The following PRKCSH variants were observed in gnomAD, a reference collection of about 807,000 sequenced individuals.
PRKCSH encodes PRKCSH beta subunit of glucosidase II.
Under a neutral mutation model 79.7 loss-of-function variants are expected in PRKCSH, and 42 were observed. The observed-to-expected ratio is 0.53, with a 90% confidence interval of 0.41 to 0.68. The LOEUF (loss-of-function observed/expected upper bound fraction) is 0.68. Ranked by LOEUF, PRKCSH falls within the 30% of genes least tolerant of loss-of-function variation. The pLI is 0.00. For synonymous variants in PRKCSH, 325 were observed against 288.2 expected, an observed-to-expected ratio of 1.13 and a Z score of -1.29; for missense variants, 686 against 709.0, an observed-to-expected ratio of 0.97 and a Z score of 0.37.
chr19:11,448,910 A>G lies in PRKCSH; in HGVS notation c.1287-4A>G. 2 of 1,614,118 alleles carry G rather than the reference A, an allele frequency of 1.2e-6. No individual in the cohort carries two copies. Among genetic ancestry groups the G allele is most frequent in the Non-Finnish European group, 1.7e-6 (2 of 1,180,008 alleles). ...CCCAACCCATATGTCCCGGTCCTCCACAGATACGTCTACCGCCTCTGCCCC... is the reference window on the plus strand; with the variant it reads ...CCCAACCCATATGTCCCGGTCCTCCGCAGATACGTCTACCGCCTCTGCCCC... On this transcript the variant is annotated splice_region_variant and splice_polypyrimidine_tract_variant and intron_variant, in intron 14 of 17. Transcript: ENST00000677123. This position sits in a 1 kb window ranked among gnomAD's most constrained non-coding sequence, Gnocchi z 4.4.
chr19:11,442,646 CT>C (rs1970115861), intron 7 of PRKCSH, 131 bp downstream of exon 7: 1 of 1,387,858 alleles, frequency 7.2e-7, no homozygotes, highest in Non-Finnish European at 9.9e-7. Context: ...GCCTTGTGTG[CT>C]TTGAGGTTCG....
chr19:11,438,202 C>G, intron 5 of PRKCSH, 78 bp downstream of exon 5: 1 of 1,468,612 alleles, frequency 6.8e-7, no homozygotes, highest in Non-Finnish European at 9.5e-7. Context: ...CGGGCCCACT[C>G]TCTCTTCTGC....
At chr19:11,435,984 T>G in intron 1 of PRKCSH, 57 bp from the exon 2 acceptor site, 1 of 1,255,302 alleles carries the variant, frequency 8.0e-7, no homozygotes, top group Non-Finnish European at 1.1e-6. Context: ...GATGGAGGAA[T>G]CCAATTGGCT....
chr19:11,448,926 C>G lies in PRKCSH; in HGVS notation c.1299C>G (p.Arg433=). Residue 433 remains arginine, a synonymous_variant, in exon 15 of 18, where the codon CGC becomes CGG. Transcript: ENST00000677123. The surrounding 1 kb of genome is among the most constrained non-coding windows in gnomAD (Gnocchi z 4.4). ...CGGTCCTCCACAGATACGTCTACCGCCTCTGCCCCTTCAAGCTTGTCTCGC... is the reference window on the plus strand; with the variant it reads ...CGGTCCTCCACAGATACGTCTACCGGCTCTGCCCCTTCAAGCTTGTCTCGC... ...YELTTNEYVY[R]LCPFKLVSQK... is the part of the protein sequence containing the mutation. The G allele has an allele frequency of 6.2e-7, 1 of 1,614,154 alleles. No homozygotes were observed. Among genetic ancestry groups the G allele is most frequent in the Admixed American group, 1.7e-5 (1 of 60,018 alleles).
chr19:11,437,337 CTTGTT>C lies in PRKCSH; in HGVS notation c.197-526_197-522del, dbSNP rs573545287. On this transcript the variant is annotated intron_variant, in intron 3 of 17. Transcript: ENST00000677123. Reference sequence around the variant, plus strand: ...ACAGGCGTGAGCCACCGTACCTGGCCTTGTTTTGTTTTGTTTTTAATTTTTTTTTT... The same window carrying C: ...ACAGGCGTGAGCCACCGTACCTGGCCTTGTTTTGTTTTTAATTTTTTTTTT... Among the ~76,000 whole-genome samples the C allele has an allele frequency of 3.1e-3, 446 of 143,318 alleles. 2 individuals carry two copies. Among genetic ancestry groups the C allele is most frequent in the African/African-American group, 6.8e-3 (263 of 38,470 alleles). 94.0% of individuals were successfully genotyped at this position (143,318 alleles called of 152,430 possible). A position where few individuals can be genotyped will look rare whatever the true frequency, so the allele number is the denominator to read the frequency against.
At chr19:11,442,605 T>C in intron 7 of PRKCSH, 90 bp downstream of exon 7, 5 of 1,544,246 alleles carry the variant, frequency 3.2e-6, no homozygotes, top group Middle Eastern at 2.3e-4. Context: ...CTGTTGTCAG[T>C]TTCAGCAGGT....
rs1178906378 is a variant in PRKCSH at position 11,435,980 on chromosome 19, G to A, written c.-77-61G>A. 4.9e-6 allele frequency: 6 copies of A among 1,230,084 alleles called. No homozygotes were observed. In the African/African-American group the frequency reaches 8.9e-5, roughly 18 times the overall value. The allele number at this position is 1,230,084 out of a possible 1,614,324, so 76.2% of individuals were successfully genotyped here. Reference sequence around the variant, plus strand: ...GGCCTCATTGCCTGGAAGCGATGGAGGAATCCAATTGGCTGGAAGTAGCCC... The same window carrying A: ...GGCCTCATTGCCTGGAAGCGATGGAAGAATCCAATTGGCTGGAAGTAGCCC... On this transcript the variant is annotated intron_variant, in intron 1 of 17. Transcript: ENST00000677123.
chr19:11,448,784 C>T lies in PRKCSH; in HGVS notation c.1287-130C>T. ...TTGAGGGGGAGCAGAAGCCAGGGGC[C>T]AGGTTTAGGGTTGGTCATTGGAGTT... On this transcript the variant is annotated intron_variant, in intron 14 of 17. Transcript: ENST00000677123. This position sits in a 1 kb window ranked among gnomAD's most constrained non-coding sequence, Gnocchi z 4.4. 2.2e-6 allele frequency: 3 copies of T among 1,359,724 alleles called. No individual in the cohort carries two copies. Among genetic ancestry groups the T allele is most frequent in the South Asian group, 2.3e-5 (2 of 85,756 alleles). The allele number at this position is 1,359,724 out of a possible 1,614,324, so 84.2% of individuals were successfully genotyped here.
chr19:11,448,601 A>T lies in PRKCSH; in HGVS notation c.1258A>T (p.Ser420Cys). The T allele has an allele frequency of 6.2e-7, 1 of 1,614,214 alleles. No individual in the cohort carries two copies. Among genetic ancestry groups the T allele is most frequent in the African/African-American group, 1.3e-5 (1 of 75,072 alleles). ...CAACGGGGAGTTTGCTTACCTGTAC[A>T]GCCAGTGCTACGAGCTCACCACCAA... ...GPNGEFAYLY[S>C]QCYELTTNEY... The change falls in exon 14 of 18, where the codon AGC becomes TGC. Residue 420 changes from serine to cysteine, a missense_variant. By Grantham distance (112) the Ser-to-Cys change is moderately radical. Transcript: ENST00000677123. The surrounding 1 kb of genome is among the most constrained non-coding windows in gnomAD (Gnocchi z 4.4).
chr19:11,436,005 C>T (rs1036371694), intron 1 of PRKCSH, 36 bp from the exon 2 acceptor site: 1 of 1,421,362 alleles, frequency 7.0e-7, no homozygotes, highest in Non-Finnish European at 9.8e-7. Context: ...GGAAGTAGCC[C>T]TCTCCCACTG....
intron 5 of PRKCSH, 110 bp from the exon 6 acceptor site, chr19:11,441,130 C>A: frequency 9.4e-7 from 1 of 1,065,956 alleles, no homozygotes; most frequent in Non-Finnish European, 1.5e-6. Context: ...CTCATCTTTC[C>A]CAGCATGGCT....
At position 11,447,068 on chromosome 19, in the gene PRKCSH, A is replaced by C. The variant is rs1259636081; in HGVS notation, c.763-6A>C. On this transcript the variant is annotated splice_polypyrimidine_tract_variant and splice_region_variant and intron_variant, in intron 9 of 17. Transcript: ENST00000677123. The surrounding 1 kb of genome is among the most constrained non-coding windows in gnomAD (Gnocchi z 5.6). ...TAGATCTTGACACCACCCCCAACAC[A>C]CACAGGCCCTCCTCAGTGGGGACAC... 3.1e-6 allele frequency: 5 copies of C among 1,613,632 alleles called. No individual in the cohort carries two copies. Among genetic ancestry groups the C allele is most frequent in the Non-Finnish European group, 3.4e-6 (4 of 1,179,720 alleles).
At chr19:11,445,932 TGG>T (rs1599501156) in intron 8 of PRKCSH, 2 of 165,780 alleles carry the variant, frequency 1.2e-5, no homozygotes, top group Non-Finnish European at 2.1e-5. Context: ...TGGGCAAGGG[TGG>T]GGGTGGGCTT....
Position 11,446,311 on chromosome 19 carries a change from C to T in PRKCSH, c.723C>T (p.Asp241=), listed in dbSNP as rs976672962. The change falls in exon 9 of 18, where the codon GAC becomes GAT. Residue 241 remains aspartate, a synonymous_variant. Transcript: ENST00000677123. ...AGCTGCAGACTCACCCGGAGCTGGACACAGATGGGGATGGGGCGTTGTCAG... is the reference window on the plus strand; with the variant it reads ...AGCTGCAGACTCACCCGGAGCTGGATACAGATGGGGATGGGGCGTTGTCAG... ...VTELQTHPEL[D]TDGDGALSEA... 7 of 1,613,736 alleles carry T rather than the reference C, an allele frequency of 4.3e-6. No individual in the cohort carries two copies. Among genetic ancestry groups the T allele is most frequent in the Non-Finnish European group, 5.9e-6 (7 of 1,179,824 alleles).
At position 11,438,082 on chromosome 19, in the gene PRKCSH, C is replaced by T; in HGVS notation, c.308C>T (p.Thr103Ile). The T allele has an allele frequency of 6.2e-7, 1 of 1,614,182 alleles. No individual in the cohort carries two copies. The highest frequency in any genetic ancestry group is 8.5e-7 in the Non-Finnish European group (1 of 1,180,030). Residue 103 changes from threonine to isoleucine, a missense_variant, in exon 5 of 18, where the codon ACA (threonine) becomes ATA (isoleucine). By Grantham distance (89) the Thr-to-Ile change is moderately conservative. Around this residue, in one of 2 missense-constraint regions of PRKCSH, gnomAD observed 549 missense variants for 520.2 expected, o/e 1.06. Transcript: ENST00000677123. ...NDGVCDCCDG[T>I]DEYNSGVICE... is the part of the protein sequence containing the mutation. Reference sequence around the variant, plus strand: ...TCTGCCACAGACTGCTGCGATGGAACAGACGAGTACAACAGCGGCGTCATC... The same window carrying T: ...TCTGCCACAGACTGCTGCGATGGAATAGACGAGTACAACAGCGGCGTCATC...
rs1375561958 is a variant in PRKCSH at position 11,446,937 on chromosome 19, C to A, written c.763-137C>A. On this transcript the variant is annotated intron_variant, in intron 9 of 17. Coordinates refer to ENST00000677123, the MANE Select transcript of PRKCSH (RefSeq NM_001289104.2). ...GCCCCCTCCTGGCCGCAGTGCCTCA[C>A]TGGCGTGGCCCTGGCCTGGTCATCA... 8 of 873,680 alleles carry A rather than the reference C, an allele frequency of 9.2e-6. No homozygotes were observed. The East Asian group carries it at 2.1e-4, about 22-fold the overall frequency. 54.1% of individuals were successfully genotyped at this position (873,680 alleles called of 1,614,324 possible).
chr19:11,441,052 A>C lies in PRKCSH; in HGVS notation c.351-188A>C, dbSNP rs1887958970. ...CTGACCCCAGGGGCTTACAGAACCC[A>C]CTGTTCCTCTTTCAAGGACAGGAAT... On this transcript the variant is annotated intron_variant, in intron 5 of 17. Transcript: ENST00000677123. The C allele has an allele frequency of 4.6e-6, 3 of 650,388 alleles. No individual in the cohort carries two copies. In the Admixed American group the frequency reaches 6.4e-5, roughly 14 times the overall value. 40.3% of individuals were successfully genotyped at this position (650,388 alleles called of 1,614,324 possible). A position where few individuals can be genotyped will look rare whatever the true frequency, so the allele number is the denominator to read the frequency against.
chr19:11,447,093 C>A lies in PRKCSH; in HGVS notation c.782C>A (p.Thr261Lys). The A allele has an allele frequency of 6.2e-7, 1 of 1,614,024 alleles. No homozygotes were observed. The highest frequency in any genetic ancestry group is 8.5e-7 in the Non-Finnish European group (1 of 1,179,890). Reference protein sequence around the residue: ...AEAQALLSGDTQTDATSFYDR... With the variant: ...AEAQALLSGDKQTDATSFYDR... ...ACACAGGCCCTCCTCAGTGGGGACA[C>A]ACAGACAGACGCCACCTCTTTCTAC... Residue 261 changes from threonine to lysine, a missense_variant, in exon 10 of 18, where the codon ACA becomes AAA. Coordinates refer to ENST00000677123, the MANE Select transcript of PRKCSH (RefSeq NM_001289104.2). The surrounding 1 kb of genome is among the most constrained non-coding windows in gnomAD (Gnocchi z 5.6).
chr19:11,448,683 C>T lies in PRKCSH; in HGVS notation c.1286+54C>T. On this transcript the variant is annotated intron_variant, in intron 14 of 17. Transcript: ENST00000677123. The surrounding 1 kb of genome is among the most constrained non-coding windows in gnomAD (Gnocchi z 4.4). ...CTGGCAGGGTGGGAGGCGGGTGGCC[C>T]CGGAAGTGGCACCGGCAGTTTCCTG... 1 of 1,536,576 alleles carries T rather than the reference C, an allele frequency of 6.5e-7. No individual in the cohort carries two copies. Among genetic ancestry groups the T allele is most frequent in the Non-Finnish European group, 9.0e-7 (1 of 1,110,276 alleles).
Sources: allele counts gnomAD v4.1 joint callset (sites outside exome capture counted in the v4.1 genomes callset), GRCh38; gene constraint gnomAD v4.1.1; regional missense constraint gnomAD v4.1.1; non-coding constraint Gnocchi (gnomAD v3.1); transcripts MANE v1.5; gene names NCBI Gene and HGNC (gene_info 2026-07-23, HGNC 2026-07-21).